FBXW11: variants seen among roughly 807,000 people sequenced by gnomAD.
FBXW11 encodes F-box/WD repeat-containing protein 11.
A neutral mutation model predicts 77.6 loss-of-function variants in FBXW11; 19 were observed. That is an observed-to-expected ratio of 0.24 (90% CI 0.17 to 0.36). The LOEUF (loss-of-function observed/expected upper bound fraction) is 0.36, where lower values mean the gene tolerates loss of function less well. FBXW11 is among the 10% of genes least tolerant of loss of function. FBXW11 has a pLI of 1.00. For missense variants in FBXW11, 334 were observed against 704.2 expected, an observed-to-expected ratio of 0.47 and a Z score of 5.95; for synonymous variants, 235 against 249.4, an observed-to-expected ratio of 0.94 and a Z score of 0.54.
intron 13 of FBXW11, among the ~76,000 whole-genome samples, chr5:171,866,923 G>C (rs191219652): frequency 2.0e-5 from 3 of 152,308 alleles, no homozygotes; most frequent in African/African-American, 7.2e-5. Flanking sequence ...AGAAGATTAT[G>C]ATCAGGAACA....
chr5:171,999,713 C>G (rs1250244747), intron 1 of FBXW11, among the ~76,000 whole-genome samples: 1 of 152,114 alleles, frequency 6.6e-6, no homozygotes, highest in Non-Finnish European at 1.5e-5. Flanking sequence ...ATAGTAGAAC[C>G]TCAGTCTTTC....
intron 2 of FBXW11, among the ~76,000 whole-genome samples, chr5:171,943,993 C>A (rs2113198424): frequency 6.6e-6 from 1 of 152,248 alleles, no homozygotes; most frequent in Non-Finnish European, 1.5e-5. Flanking sequence ...GAAATATATC[C>A]TAGCTAATTC....
rs34300477 is a variant in FBXW11, at chr5:172,002,696, C to CTTTTTTTTTTTTTT, written c.45+3748_45+3761dup. 1.0e-3 allele frequency among the ~76,000 whole-genome samples: 97 copies of CTTTTTTTTTTTTTT among 97,040 alleles called. 1 individual carries two copies. The highest frequency in any genetic ancestry group is 2.0e-3 in the African/African-American group (43 of 21,066). The allele number at this position is 97,040 out of a possible 152,430, so 63.7% of individuals were successfully genotyped here. On this transcript the variant is annotated intron_variant, in intron 1 of 13. Coordinates refer to ENST00000517395, the MANE Select transcript of FBXW11 (RefSeq NM_001378974.1). ...TATTCGTTTCTTTCTTTTTTCTTTT[C>CTTTTTTTTTTTTTT]TTTTTTTTTTTTTTTTTTTTTGAGA...
chr5:171,883,344 T>C (rs1001648421), intron 7 of FBXW11, among the ~76,000 whole-genome samples: 7 of 152,160 alleles, frequency 4.6e-5, no homozygotes, highest in Non-Finnish European at 1.0e-4. Flanking sequence ...CTACTTTTAG[T>C]TCTTTAAGAA....
chr5:171,921,590 C>T (rs1380947338), intron 2 of FBXW11, among the ~76,000 whole-genome samples: 1 of 151,888 alleles, frequency 6.6e-6, no homozygotes, highest in Non-Finnish European at 1.5e-5. Context: ...CCCCTACACA[C>T]AAAGGTAAGC....
chr5:171,926,888 T>A (rs1167810336), intron 2 of FBXW11, among the ~76,000 whole-genome samples: 2 of 152,168 alleles, frequency 1.3e-5, no homozygotes, highest in Non-Finnish European at 2.9e-5. Flanking sequence ...ATAATAAATA[T>A]CTATTGATAA....
chr5:171,911,860 G>C (rs1760903529), intron 3 of FBXW11, among the ~76,000 whole-genome samples: 2 of 152,138 alleles, frequency 1.3e-5, no homozygotes, highest in African/African-American at 4.8e-5. Context: ...ATGAAGTGCA[G>C]TAACCTCCCT....
At chr5:171,916,594 A>T (rs1761268862) in intron 2 of FBXW11, 1 of 380,868 alleles carries the variant, frequency 2.6e-6, no homozygotes, top group Admixed American at 6.4e-5. Flanking sequence ...TAATCTTTTC[A>T]TTGCTATCTT....
intron 2 of FBXW11, among the ~76,000 whole-genome samples, chr5:171,933,037 G>C (rs1762297505): frequency 6.7e-6 from 1 of 150,118 alleles, no homozygotes; most frequent in Non-Finnish European, 1.5e-5. Flanking sequence ...AGGCTGAGGT[G>C]GGAGGATTGC....
chr5:171,894,987 G>A (rs1389915523), intron 6 of FBXW11, among the ~76,000 whole-genome samples: 5 of 152,188 alleles, frequency 3.3e-5, no homozygotes, highest in African/African-American at 7.2e-5. Flanking sequence ...AAAGTTGCCA[G>A]AAATTGTTGT....
chr5:171,916,254 G>GGA (rs1554100188), intron 2 of FBXW11, among the ~76,000 whole-genome samples: 2 of 139,726 alleles, frequency 1.4e-5, no homozygotes, highest in Non-Finnish European at 3.0e-5. Flanking sequence ...AAAAAAATGA[G>GGA]AAAAAAAAAA....
At position 171,882,448 on chromosome 5, in the gene FBXW11, C is replaced by G. The variant is rs530889178; in HGVS notation, c.853-4319G>C. On this transcript the variant is annotated intron_variant, in intron 7 of 13. Coordinates refer to ENST00000517395, the MANE Select transcript of FBXW11 (RefSeq NM_001378974.1). ...TCTTGAGTAGCTGGGACTACAGACG[C>G]ATGCCACAATGCCCAGCTAATGTTT... Among the ~76,000 whole-genome samples the G allele has an allele frequency of 3.3e-3, 509 of 152,096 alleles. 2 individuals carry two copies. The highest frequency in any genetic ancestry group is 0.011 in the African/African-American group (472 of 41,508).
chr5:171,971,707 G>A (rs1163630116), intron 1 of FBXW11, among the ~76,000 whole-genome samples: 2 of 152,228 alleles, frequency 1.3e-5, no homozygotes, highest in African/African-American at 4.8e-5. Flanking sequence ...GGGAGGCTGG[G>A]CATGGTGGCT....
At chr5:171,945,743 C>T (rs757696529) in intron 2 of FBXW11, among the ~76,000 whole-genome samples, 1 of 152,182 alleles carries the variant, frequency 6.6e-6, no homozygotes, top group African/African-American at 2.4e-5. Flanking sequence ...TCCAAATCAC[C>T]GCTGACTAAA....
chr5:171,932,902 CA>C (rs964809367), intron 2 of FBXW11, among the ~76,000 whole-genome samples: 12 of 147,254 alleles, frequency 8.1e-5, no homozygotes, highest in Admixed American at 4.1e-4. Context: ...GGAGACTCTC[CA>C]GCCCAGGACT....
At chr5:171,875,494 C>T (rs929204902) in intron 9 of FBXW11, among the ~76,000 whole-genome samples, 1 of 151,866 alleles carries the variant, frequency 6.6e-6, no homozygotes, top group African/African-American at 2.4e-5. Flanking sequence ...TTTTAGAGCG[C>T]GATGAAAATG....
intron 2 of FBXW11, among the ~76,000 whole-genome samples, chr5:171,953,824 A>G (rs937997240): frequency 6.6e-6 from 1 of 152,032 alleles, no homozygotes; most frequent in African/African-American, 2.4e-5. Flanking sequence ...CTACCAAGCT[A>G]TCTCCCTCCT....
chr5:171,929,464 CAG>C (rs1220110993), intron 2 of FBXW11, among the ~76,000 whole-genome samples: 1 of 152,078 alleles, frequency 6.6e-6, no homozygotes, highest in Non-Finnish European at 1.5e-5. Flanking sequence ...GTCAATGCAA[CAG>C]AGCAAGAAAA....
intron 2 of FBXW11, among the ~76,000 whole-genome samples, chr5:171,946,321 T>C (rs1410316729): frequency 6.6e-6 from 1 of 152,212 alleles, no homozygotes; most frequent in African/African-American, 2.4e-5. Context: ...TTGGTCTCCC[T>C]GCTTCCGCCT....
Sources: gnomAD v4.1 joint callset for allele counts (sites outside exome capture counted in the v4.1 genomes callset) on GRCh38, gnomAD v4.1.1 for gene constraint, MANE v1.5 for transcripts, NCBI Gene and HGNC (gene_info 2026-07-23, HGNC 2026-07-21) for gene names.